The following DICER1 variants were observed in gnomAD, a reference collection of about 807,000 sequenced individuals.
DICER1 encodes endoribonuclease Dicer.
A neutral mutation model predicts 194.1 loss-of-function variants in DICER1; 43 were observed. The ratio of observed to expected loss-of-function variants is 0.22; its 90% CI spans 0.17 to 0.29. The LOEUF (loss-of-function observed/expected upper bound fraction) is 0.29. Ranked by LOEUF, DICER1 falls within the 10% of genes least tolerant of loss-of-function variation. The pLI is 1.00. For missense variants in DICER1, 1,608 were observed against 2,317.0 expected, an observed-to-expected ratio of 0.69 and a Z score of 6.28; for synonymous variants, 832 against 820.5, an observed-to-expected ratio of 1.01 and a Z score of -0.24.
At chr14:95,132,237 AAAAT>A (rs1894008797) in intron 3 of DICER1, among the ~76,000 whole-genome samples, 1 of 152,234 alleles carries the variant, frequency 6.6e-6, no homozygotes, top group South Asian at 2.1e-4. Context: ...CATCAAGAAA[AAAAT>A]AAATGTAACA....
At chr14:95,117,823 T>C (rs1892618970) in intron 8 of DICER1, 69 bp from the exon 9 acceptor site, 3 of 1,476,898 alleles carry the variant, frequency 2.0e-6, no homozygotes, top group Non-Finnish European at 2.8e-6. Flanking sequence ...TTTTAAAGCC[T>C]CCTTTAAAAT....
At chr14:95,095,654 C>A in intron 23 of DICER1, 171 bp downstream of exon 23, 1 of 779,894 alleles carries the variant, frequency 1.3e-6, no homozygotes, top group Non-Finnish European at 2.1e-6. Context: ...ATACGTGCTC[C>A]CCAAATAACA....
chr14:95,121,003 T>C (rs927422092), intron 8 of DICER1, among the ~76,000 whole-genome samples: 1 of 152,158 alleles, frequency 6.6e-6, no homozygotes, highest in African/African-American at 2.4e-5. Context: ...AAGATGAACA[T>C]GACGAGTGAC....
intron 10 of DICER1, 128 bp downstream of exon 10, chr14:95,116,324 AC>A: frequency 8.7e-7 from 1 of 1,147,308 alleles, no homozygotes; most frequent in Non-Finnish European, 1.3e-6. Flanking sequence ...TACACAGAGT[AC>A]ACCTCTTTTG....
chr14:95,107,711 C>A lies in DICER1; in HGVS notation c.2701G>T (p.Glu901Ter). The A allele has an allele frequency of 1.3e-6, 2 of 1,491,468 alleles. No homozygotes were observed. The highest frequency in any genetic ancestry group is 1.1e-5 in the South Asian group (1 of 89,202). The allele number at this position is 1,491,468 out of a possible 1,614,324, so 92.4% of individuals were successfully genotyped here. The change falls in exon 17 of 27, where the codon GAG becomes TAG. Residue 901 changes from glutamate to a stop codon, truncating the protein, a stop_gained. Transcript: ENST00000343455. LOFTEE classifies it high-confidence loss of function. ...DIDFKFMEDI[E>*]KSEARIGIPS... ...ATGCCTATGCGAGCTTCAGACTTCT[C>A]AATATCTTCCATGAATTTAAAGTCA...
chr14:95,155,740 G>A (rs748103974), intron 1 of DICER1, among the ~76,000 whole-genome samples: 12 of 152,184 alleles, frequency 7.9e-5, no homozygotes, highest in Non-Finnish European at 1.5e-4. Flanking sequence ...TTTTGGTGCC[G>A]TGAGTAAATC....
rs2140068594 is a variant in DICER1, at chr14:95,111,444, T to C, written c.2129A>G (p.Asp710Gly). 6.2e-7 allele frequency: 1 copy of C among 1,614,118 alleles called. No individual in the cohort carries two copies. ...EKLHKIGELD[D>G]HLMPVGKETV... is the part of the protein sequence containing the mutation. ...CTCTTTCCCAACTGGCATCAAATGG[T>C]CATCCAGTTCGCCTAACAAATTTAA... The change falls in exon 14 of 27, where the codon GAC becomes GGC. Residue 710 changes from aspartate (D) to glycine (G), a missense_variant. Around this residue, in one of 10 missense-constraint regions of DICER1, gnomAD observed 657 missense variants for 910.1 expected, o/e 0.72. Coordinates refer to ENST00000343455, the MANE Select transcript of DICER1 (RefSeq NM_177438.3).
At chr14:95,102,938 C>T (rs1281146402) in intron 21 of DICER1, among the ~76,000 whole-genome samples, 1 of 152,154 alleles carries the variant, frequency 6.6e-6, no homozygotes, top group Non-Finnish European at 1.5e-5. Context: ...GTCTGTATGC[C>T]TTGTAAGCCA....
In DICER1 at chr14:95,095,980, C is replaced by T. The variant is rs2139840126; in HGVS notation, c.4940G>A (p.Arg1647Lys). The T allele has an allele frequency of 6.2e-7, 1 of 1,614,208 alleles. No homozygotes were observed. Among genetic ancestry groups the T allele is most frequent in the Non-Finnish European group, 8.5e-7 (1 of 1,180,030 alleles). ...SEYGCLKIPPRCMFDHPDADK... is the reference protein window; with the variant it reads ...SEYGCLKIPPKCMFDHPDADK... ...TGCATCTGGATGATCAAACATACATCTTGGTGGAATCTTCAAACAACCATA... is the reference window on the plus strand; with the variant it reads ...TGCATCTGGATGATCAAACATACATTTTGGTGGAATCTTCAAACAACCATA... Residue 1647 changes from arginine (R) to lysine (K), a missense_variant, in exon 23 of 27, where the codon AGA becomes AAA. Physicochemically the swap from Arg to Lys is conservative, Grantham distance 26. Transcript: ENST00000343455.
At chr14:95,101,578 A>G (rs1890881299) in intron 21 of DICER1, among the ~76,000 whole-genome samples, 1 of 151,922 alleles carries the variant, frequency 6.6e-6, no homozygotes, top group African/African-American at 2.4e-5. Context: ...TAAAATCTCA[A>G]CTCTAACATG....
intron 17 of DICER1, among the ~76,000 whole-genome samples, 196 bp from the exon 18 acceptor site, chr14:95,106,419 T>A (rs1005557148): frequency 1.3e-5 from 2 of 151,620 alleles, no homozygotes; most frequent in Non-Finnish European, 2.9e-5. Context: ...ATGGACACAT[T>A]ATTGTCCCAT....
intron 6 of DICER1, among the ~76,000 whole-genome samples, chr14:95,128,597 A>G (rs1893682544): frequency 6.6e-6 from 1 of 152,216 alleles, no homozygotes; most frequent in Admixed American, 6.5e-5. Flanking sequence ...AGATTTTTCT[A>G]TGTGTCAATG....
intron 11 of DICER1, among the ~76,000 whole-genome samples, chr14:95,113,677 G>C (rs914218021): frequency 6.6e-5 from 10 of 152,312 alleles, no homozygotes; most frequent in Admixed American, 3.9e-4. Flanking sequence ...TCAGCAGAGG[G>C]CGGGACAGCC....
intron 1 of DICER1, among the ~76,000 whole-genome samples, chr14:95,146,492 G>A (rs1268033005): frequency 3.3e-5 from 5 of 152,178 alleles, no homozygotes; most frequent in African/African-American, 9.7e-5. Flanking sequence ...TTCGGGTGGG[G>A]AACCACCCCC....
Position 95,105,272 on chromosome 14 carries a change from G to C in DICER1, c.3094-26C>G, listed in dbSNP as rs1255505069. ...CTTCAAGTAAGGGGAAAAATGGACA[G>C]ATAAATACAAAGCGCACACACAAAA... On this transcript the variant is annotated intron_variant, in intron 19 of 26. Transcript: ENST00000343455. The surrounding 1 kb of genome is among the most constrained non-coding windows in gnomAD (Gnocchi z 4.9). The C allele has an allele frequency of 6.3e-7, 1 of 1,591,310 alleles. No individual in the cohort carries two copies. Among genetic ancestry groups the C allele is most frequent in the Non-Finnish European group, 8.6e-7 (1 of 1,162,570 alleles).
At chr14:95,097,305 A>G (rs1437489979) in intron 22 of DICER1, among the ~76,000 whole-genome samples, 1 of 152,222 alleles carries the variant, frequency 6.6e-6, no homozygotes, top group African/African-American at 2.4e-5. Flanking sequence ...CTTGCCACAA[A>G]AAAACTACAC....
intron 16 of DICER1, 47 bp from the exon 17 acceptor site, chr14:95,107,808 A>C (rs368730742): frequency 1.2e-6 from 2 of 1,610,674 alleles, no homozygotes. Flanking sequence ...CATGATACAG[A>C]TAAGTTTCAT....
chr14:95,128,731 C>G (rs1893691926), intron 6 of DICER1, among the ~76,000 whole-genome samples: 1 of 152,192 alleles, frequency 6.6e-6, no homozygotes, highest in African/African-American at 2.4e-5. Flanking sequence ...AAACCCATGT[C>G]TGACTTAACT....
In DICER1 at chr14:95,133,331, G is replaced by C. The variant is rs367797765; in HGVS notation, c.128C>G (p.Thr43Arg). The part of the protein sequence containing the change: ...QQEAIHDNIY[T>R]PRKYQVELLE... ...CATTAGTACCTGATATTTTCTTGGC[G>C]TATAAATGTTATCATGAATTGCTTC... The change falls in exon 2 of 27, where the codon ACG becomes AGG. Residue 43 changes from threonine to arginine, a missense_variant. Transcript: ENST00000343455. 6.2e-7 allele frequency: 1 copy of C among 1,614,014 alleles called. No individual in the cohort carries two copies. The highest frequency in any genetic ancestry group is 1.7e-5 in the Admixed American group (1 of 60,002).
Sources: gnomAD v4.1 joint callset for allele counts (sites outside exome capture counted in the v4.1 genomes callset) on GRCh38, gnomAD v4.1.1 for gene constraint, gnomAD v4.1.1 regional missense constraint, Gnocchi (gnomAD v3.1) non-coding constraint, MANE v1.5 for transcripts, NCBI Gene and HGNC (gene_info 2026-07-23, HGNC 2026-07-21) for gene names.